Variants in SLC16A7 observed in about 807,000 individuals in gnomAD.
SLC16A7 encodes solute carrier family 16 member 7.
Under a neutral mutation model 34.9 loss-of-function variants are expected in SLC16A7, and 33 were observed. That is an observed-to-expected ratio of 0.94 (90% confidence interval 0.72 to 1.26). The LOEUF (loss-of-function observed/expected upper bound fraction) is 1.26, where lower values mean the gene tolerates loss of function less well. Among genes scored for constraint, SLC16A7 ranks in the 50% most tolerant of loss-of-function variants. The pLI, the probability that SLC16A7 is intolerant of heterozygous loss-of-function variation, is 0.00. For synonymous variants in SLC16A7, 201 were observed against 206.6 expected (o/e 0.97, Z 0.23); for missense variants, 573 against 578.1 (o/e 0.99, Z 0.09).
At chr12:59,728,866 A>G (rs1876601585) in intron 3 of SLC16A7, among the ~76,000 whole-genome samples, 1 of 152,192 alleles carries the variant, frequency 6.6e-6, no homozygotes, top group African/African-American at 2.4e-5. Flanking sequence ...TTTTTTTCCT[A>G]GTAGAGGAAA....
intron 3 of SLC16A7, chr12:59,768,306 G>A: frequency 4.9e-6 from 2 of 409,936 alleles, no homozygotes; most frequent in South Asian, 1.8e-5. Context: ...ACTTTAAGAG[G>A]CTCAGGACTT....
At chr12:59,618,633 T>C (rs1879563651) in intron 1 of SLC16A7, among the ~76,000 whole-genome samples, 1 of 151,920 alleles carries the variant, frequency 6.6e-6, no homozygotes, top group African/African-American at 2.4e-5. Flanking sequence ...CCAAAATACA[T>C]CATAGTTTGT....
At chr12:59,702,113 C>T (rs1000511591) in intron 2 of SLC16A7, among the ~76,000 whole-genome samples, 1 of 151,670 alleles carries the variant, frequency 6.6e-6, no homozygotes, top group Non-Finnish European at 1.5e-5. Flanking sequence ...AAAATAGGTA[C>T]TTTAAAATAT....
At chr12:59,702,878 A>G (rs957838801) in intron 2 of SLC16A7, among the ~76,000 whole-genome samples, 2 of 152,028 alleles carry the variant, frequency 1.3e-5, no homozygotes, top group Non-Finnish European at 2.9e-5. Context: ...TAGAGTCAGC[A>G]GTGATTAGTG....
intron 5 of SLC16A7, among the ~76,000 whole-genome samples, chr12:59,776,470 T>G (rs1215305544): frequency 6.6e-6 from 1 of 152,196 alleles, no homozygotes; most frequent in Non-Finnish European, 1.5e-5. Flanking sequence ...GCAACCAATG[T>G]ATATTGTTTT....
chr12:59,695,589 A>G (rs1250793569), intron 2 of SLC16A7, among the ~76,000 whole-genome samples: 1 of 152,012 alleles, frequency 6.6e-6, no homozygotes, highest in Non-Finnish European at 1.5e-5. Context: ...TGGACTTGGC[A>G]TGCAGATCAC....
At chr12:59,739,649 C>A (rs1296216814) in intron 3 of SLC16A7, among the ~76,000 whole-genome samples, 2 of 151,534 alleles carry the variant, frequency 1.3e-5, no homozygotes, top group African/African-American at 4.9e-5. Flanking sequence ...AACTAGTTTA[C>A]AGTCCCACCA....
intron 2 of SLC16A7, among the ~76,000 whole-genome samples, chr12:59,679,541 A>G (rs1356605184): frequency 6.6e-6 from 1 of 152,198 alleles, no homozygotes; most frequent in Non-Finnish European, 1.5e-5. Flanking sequence ...GACTGTCATT[A>G]TCTAGGTTAG....
At chr12:59,744,749 C>T (rs572701946) in intron 3 of SLC16A7, among the ~76,000 whole-genome samples, 1 of 152,184 alleles carries the variant, frequency 6.6e-6, no homozygotes, top group Admixed American at 6.5e-5. Flanking sequence ...GAGGCTTCGG[C>T]GATAGCAGGC....
chr12:59,612,563 T>C (rs987345130), intron 1 of SLC16A7, among the ~76,000 whole-genome samples: 8 of 152,230 alleles, frequency 5.3e-5, no homozygotes, highest in African/African-American at 1.9e-4. Flanking sequence ...TGCAAATTTC[T>C]ACAGCCTGCC....
At chr12:59,627,053 T>C (rs550983684) in intron 1 of SLC16A7, among the ~76,000 whole-genome samples, 12 of 151,878 alleles carry the variant, frequency 7.9e-5, no homozygotes, top group Non-Finnish European at 1.8e-4. Flanking sequence ...TTGTTATTAC[T>C]TCAGTTTCAC....
chr12:59,626,249 T>G (rs1879926070), intron 1 of SLC16A7, among the ~76,000 whole-genome samples: 1 of 151,718 alleles, frequency 6.6e-6, no homozygotes, highest in Non-Finnish European at 1.5e-5. Context: ...GTTTTTTTGT[T>G]TGCTTTTGTT....
chr12:59,629,720 T>G (rs111496670), intron 1 of SLC16A7, among the ~76,000 whole-genome samples: 7 of 151,908 alleles, frequency 4.6e-5, no homozygotes, highest in African/African-American at 1.4e-4. Context: ...TGTCTAAACA[T>G]TTGATTTCCC....
intron 4 of SLC16A7, among the ~76,000 whole-genome samples, chr12:59,772,569 C>G (rs1882339329): frequency 6.6e-6 from 1 of 152,082 alleles, no homozygotes; most frequent in Non-Finnish European, 1.5e-5. Flanking sequence ...GAGGGATTTA[C>G]TTTAAATCAT....
chr12:59,768,207 A>G, intron 3 of SLC16A7: 1 of 455,774 alleles, frequency 2.2e-6, no homozygotes, highest in Non-Finnish European at 4.4e-6. Flanking sequence ...ATTCTAGATA[A>G]CATCACGATC....
At chr12:59,721,064 T>C (rs1268941420) in intron 3 of SLC16A7, among the ~76,000 whole-genome samples, 3 of 152,058 alleles carry the variant, frequency 2.0e-5, no homozygotes, top group Admixed American at 6.6e-5. Context: ...TCTCTTTAAT[T>C]GATGATCGAT....
intron 1 of SLC16A7, among the ~76,000 whole-genome samples, chr12:59,637,058 A>G (rs1429885200): frequency 6.6e-6 from 1 of 152,144 alleles, no homozygotes; most frequent in African/African-American, 2.4e-5. Flanking sequence ...AACTGTCACC[A>G]TGTCACATGA....
intron 3 of SLC16A7, among the ~76,000 whole-genome samples, chr12:59,755,905 A>G (rs1405368394): frequency 3.9e-5 from 6 of 152,196 alleles, no homozygotes; most frequent in African/African-American, 1.4e-4. Flanking sequence ...GTACCAAAAC[A>G]GAGATATAGA....
chr12:59,766,426 C>G (rs1592677734), intron 3 of SLC16A7, among the ~76,000 whole-genome samples: 1 of 152,114 alleles, frequency 6.6e-6, no homozygotes, highest in African/African-American at 2.4e-5. Context: ...AAAGGGAATG[C>G]TTCCAGTTTT....
Sources: gnomAD v4.1 joint callset for allele counts (sites outside exome capture counted in the v4.1 genomes callset) on GRCh38, gnomAD v4.1.1 for gene constraint, MANE v1.5 for transcripts, NCBI Gene and HGNC (gene_info 2026-07-23, HGNC 2026-07-21) for gene names.